The following GTPBP3 variants were observed in gnomAD, a reference collection of about 807,000 sequenced individuals.
The protein encoded by GTPBP3 is GTP binding protein 3, mitochondrial, also known as 5-taurinomethyluridine-[tRNA] synthase subunit GTPB3, mitochondrial.
GTPBP3 carries 35 observed loss-of-function variants against 42.0 expected under a neutral mutation model. That is an observed-to-expected ratio of 0.83 (90% confidence interval 0.64 to 1.10). The LOEUF (loss-of-function observed/expected upper bound fraction) is 1.10. Among genes scored for constraint, GTPBP3 ranks in the 50% least tolerant of loss-of-function variants. The pLI is 0.00. For missense variants in GTPBP3, 691 were observed against 685.2 expected, an observed-to-expected ratio of 1.01 and a Z score of -0.09; for synonymous variants, 332 against 314.9, an observed-to-expected ratio of 1.05 and a Z score of -0.58.
chr19:17,338,248 G>C lies in GTPBP3; in HGVS notation c.294G>C (p.Trp98Cys), dbSNP rs777854271. The C allele has an allele frequency of 1.9e-6, 3 of 1,590,278 alleles. No homozygotes were observed. In the East Asian group the frequency reaches 6.8e-5, roughly 36 times the overall value. The change falls in exon 2 of 9, where the codon TGG becomes TGC. Residue 98 changes from tryptophan to cysteine, a missense_variant. Transcript: ENST00000324894. Reference sequence around the variant, plus strand: ...CTCTGGACCGCGCACTGGTGCTCTGGTTCCCAGGTGAGGGTCCCCAGGTTC... The same window carrying C: ...CTCTGGACCGCGCACTGGTGCTCTGCTTCCCAGGTGAGGGTCCCCAGGTTC... Reference protein sequence around the residue: ...GEPLDRALVLWFPGPQSFTGE... With the variant: ...GEPLDRALVLCFPGPQSFTGE...
Position 17,341,326 on chromosome 19 carries a change from A to C in GTPBP3, c.1253+4A>C. The stretch of plus-strand genomic sequence containing the variant: ...TGAGGAAGGAGCTAGCTGCAGTGTG[A>C]GCCCCCTCCCACTCCCAGCCTCCCC... On this transcript the variant is annotated splice_donor_region_variant and intron_variant, in intron 8 of 8. Transcript: ENST00000324894. 1 of 1,586,962 alleles carries C rather than the reference A, an allele frequency of 6.3e-7. No homozygotes were observed. The highest frequency in any genetic ancestry group is 8.6e-7 in the Non-Finnish European group (1 of 1,168,108).
rs200160305 is a variant in GTPBP3, at chr19:17,338,270, G to A, written c.301+15G>A. 3.3e-5 allele frequency: 52 copies of A among 1,597,498 alleles called. No homozygotes were observed. In the African/African-American group the frequency reaches 6.8e-4, roughly 21 times the overall value. ...CTGGTTCCCAGGTGAGGGTCCCCAG[G>A]TTCCGAGCCTCCTGTAGGTCCCATG... On this transcript the variant is annotated intron_variant, in intron 2 of 8. Coordinates refer to ENST00000324894, the MANE Select transcript of GTPBP3 (RefSeq NM_032620.4).
In GTPBP3 at chr19:17,341,038, C is replaced by A; in HGVS notation, c.975-6C>A. ...GATCCCCGCTCAGTTGACCTTGCTC[C>A]CGCAGGCTAGAGCAGGCTGACCTCA... is the stretch of plus-strand genomic sequence containing the variant. On this transcript the variant is annotated splice_polypyrimidine_tract_variant and splice_region_variant and intron_variant, in intron 7 of 8. Transcript: ENST00000324894. 6.2e-7 allele frequency: 1 copy of A among 1,610,364 alleles called. No homozygotes were observed. Among genetic ancestry groups the A allele is most frequent in the Non-Finnish European group, 8.5e-7 (1 of 1,177,622 alleles).
At chr19:17,337,497 G>A (rs544842037), upstream of GTPBP3, 69 of 1,263,258 alleles carry the variant, frequency 5.5e-5, no homozygotes, top group East Asian at 6.9e-4. Flanking sequence ...ATACCCAATG[G>A]TGGTCGAGAA....
rs768839383 is a variant in GTPBP3 at position 17,342,551 on chromosome 19, G to C, written c.*848G>C. The C allele has an allele frequency of 1.3e-5, 2 of 152,162 alleles. No individual in the cohort carries two copies. The highest frequency in any genetic ancestry group is 1.9e-4 in the East Asian group (1 of 5,164). 9.4% of individuals were successfully genotyped at this position (152,162 alleles called of 1,614,324 possible). ...CCCAAAGTGCTGGGATCACAGGCGT[G>C]AGCTATCACACCTGGCCCCAGAAGT... On this transcript the variant is annotated 3_prime_UTR_variant, in exon 9 of 9. Coordinates refer to ENST00000324894, the MANE Select transcript of GTPBP3 (RefSeq NM_032620.4).
chr19:17,339,177 C>G lies in GTPBP3; in HGVS notation c.719C>G (p.Ala240Gly), dbSNP rs1237163721. Residue 240 changes from alanine (A) to glycine (G), a missense_variant, in exon 6 of 9, where the codon GCC becomes GGC. Ala to Gly is a moderately conservative substitution (Grantham distance 60). Transcript: ENST00000324894. ...QVALGAHLRDARRGQRLRSGV... is the reference protein window; with the variant it reads ...QVALGAHLRDGRRGQRLRSGV... ...GCCCTGGGTGCACATCTACGAGATG[C>G]CAGGCGCGGGCAGAGGCTCCGCTCA... is the stretch of plus-strand genomic sequence containing the variant. 6.2e-7 allele frequency: 1 copy of G among 1,613,814 alleles called. No homozygotes were observed. Among genetic ancestry groups the G allele is most frequent in the Admixed American group, 1.7e-5 (1 of 60,022 alleles).
chr19:17,339,655 C>T, intron 7 of GTPBP3, 56 bp downstream of exon 7: 1 of 1,488,034 alleles, frequency 6.7e-7, no homozygotes, highest in Non-Finnish European at 9.0e-7. Context: ...TCTGCCTTTT[C>T]TCCCTGTTGC....
Position 17,338,053 on chromosome 19 carries a change from C to T in GTPBP3, c.99C>T (p.Gly33=), listed in dbSNP as rs1033699408. 9 of 1,597,818 alleles carry T rather than the reference C, an allele frequency of 5.6e-6. No individual in the cohort carries two copies. In the African/African-American group the frequency reaches 8.0e-5, roughly 14 times the overall value. ...RSSGAPAPGS[G]ATIFALSSGQ... Reference sequence around the variant, plus strand: ...GCGGCGCACCAGCCCCCGGCTCCGGCGCCACCATCTTCGCGCTAAGCTCTG... The same window carrying T: ...GCGGCGCACCAGCCCCCGGCTCCGGTGCCACCATCTTCGCGCTAAGCTCTG... Residue 33 remains glycine (G), a synonymous_variant, in exon 2 of 9, where the codon GGC becomes GGT. Coordinates refer to ENST00000324894, the MANE Select transcript of GTPBP3 (RefSeq NM_032620.4).
At chr19:17,335,351 C>T (rs890893307), upstream of GTPBP3, among the ~76,000 whole-genome samples, 2 of 152,180 alleles carry the variant, frequency 1.3e-5, no homozygotes, top group South Asian at 2.1e-4. Flanking sequence ...ATAGAGTTGT[C>T]AAGTTTAGCA....
intron 4 of GTPBP3, 67 bp downstream of exon 4, chr19:17,338,808 C>A: frequency 6.5e-7 from 1 of 1,540,354 alleles, no homozygotes; most frequent in Non-Finnish European, 8.8e-7. Flanking sequence ...CATGAGACCC[C>A]CTCTCAATCC....
At chr19:17,337,395 A>T, upstream of GTPBP3, 1 of 968,622 alleles carries the variant, frequency 1.0e-6, no homozygotes, top group Non-Finnish European at 1.3e-6. Context: ...ATTTCGCTAC[A>T]CCTACCTCCA....
chr19:17,341,447 C>A, intron 8 of GTPBP3, 31 bp from the exon 9 acceptor site: 1 of 1,589,072 alleles, frequency 6.3e-7, no homozygotes, highest in African/African-American at 1.3e-5. Context: ...TGTAAAAGGT[C>A]GGGAGAGACC....
Position 17,338,529 on chromosome 19 carries a change from C to G in GTPBP3, c.389-10C>G. 6.2e-7 allele frequency: 1 copy of G among 1,613,176 alleles called. No homozygotes were observed. On this transcript the variant is annotated splice_polypyrimidine_tract_variant and intron_variant, in intron 3 of 8. Transcript: ENST00000324894. ...GGACCAGGGGGTGTCAGACTGGGAC[C>G]TTCCTGCAGGCAGCGTGCCAGGGCT...
rs1178924209 is a variant in GTPBP3 at position 17,341,248 on chromosome 19, C to G, written c.1179C>G (p.His393Gln). ...GPGPGPDLPP[H>Q]LLLSCLTGEG... ...GTCCCGGTCCTGACCTGCCCCCGCA[C>G]CTGCTGCTGTCCTGTCTGACGGGAG... The change falls in exon 8 of 9, where the codon CAC (histidine) becomes CAG (glutamine). Residue 393 changes from histidine to glutamine, a missense_variant. Physicochemically the swap from His to Gln is conservative, Grantham distance 24 (BLOSUM62 0). Transcript: ENST00000324894. 2 of 1,606,820 alleles carry G rather than the reference C, an allele frequency of 1.2e-6. No homozygotes were observed. Among genetic ancestry groups the G allele is most frequent in the Admixed American group, 1.7e-5 (1 of 59,982 alleles).
Position 17,339,531 on chromosome 19 carries a change from C to T in GTPBP3, c.906C>T (p.Ser302=), listed in dbSNP as rs2074406976. 6.2e-7 allele frequency: 1 copy of T among 1,613,574 alleles called. No homozygotes were observed. The highest frequency in any genetic ancestry group is 1.3e-5 in the African/African-American group (1 of 74,916). The part of the protein sequence containing the change: ...VDLAGFPVLL[S]DTAGLREGVG... ...TGGCCGGATTTCCTGTGCTGCTGAG[C>T]GACACGGCTGGGTTGCGGGAGGGCG... Residue 302 remains serine (S), a synonymous_variant, in exon 7 of 9, where the codon AGC becomes AGT. Transcript: ENST00000324894.
chr19:17,340,159 C>T (rs1456303499), intron 7 of GTPBP3, among the ~76,000 whole-genome samples: 4 of 151,916 alleles, frequency 2.6e-5, no homozygotes, highest in African/African-American at 9.7e-5. Flanking sequence ...CTGGGCCTCC[C>T]GAGTAGCTGG....
At chr19:17,336,244 A>AT (rs1165349280), upstream of GTPBP3, among the ~76,000 whole-genome samples, 9 of 148,836 alleles carry the variant, frequency 6.0e-5, no homozygotes, top group East Asian at 3.9e-4. Flanking sequence ...TCAAAAAAAA[A>AT]AAAAAAAAAA....
At position 17,341,261 on chromosome 19, in the gene GTPBP3, T is replaced by A. The variant is rs781044822; in HGVS notation, c.1192T>A (p.Cys398Ser). The A allele has an allele frequency of 1.2e-6, 2 of 1,606,134 alleles. No homozygotes were observed. The highest frequency in any genetic ancestry group is 2.7e-5 in the African/African-American group (2 of 74,930). ...CCTGCCCCCGCACCTGCTGCTGTCC[T>A]GTCTGACGGGAGAGGGGCTGGACGG... is the stretch of plus-strand genomic sequence containing the variant. ...PDLPPHLLLS[C>S]LTGEGLDGLL... Residue 398 changes from cysteine (C) to serine (S), a missense_variant, in exon 8 of 9, where the codon TGT (cysteine) becomes AGT (serine). Physicochemically the swap from Cys to Ser is moderately radical, Grantham distance 112. Transcript: ENST00000324894.
intron 7 of GTPBP3, among the ~76,000 whole-genome samples, chr19:17,340,296 C>T (rs899741000): frequency 3.1e-4 from 47 of 152,260 alleles, no homozygotes; most frequent in Non-Finnish European, 5.6e-4. Flanking sequence ...CTCGGCCTCC[C>T]AAAGTGCTGG....
Sources: allele counts gnomAD v4.1 joint callset (sites outside exome capture counted in the v4.1 genomes callset), GRCh38; gene constraint gnomAD v4.1.1; transcripts MANE v1.5; gene names NCBI Gene and HGNC (gene_info 2026-07-23, HGNC 2026-07-21).